Variants in AKT3 observed in about 807,000 individuals in gnomAD.
AKT3 encodes the protein RAC-gamma serine/threonine-protein kinase.
In AKT3, 15 loss-of-function variants were observed where a neutral mutation model predicts 65.3. The ratio of observed to expected loss-of-function variants is 0.23; its 90% CI spans 0.15 to 0.35. The LOEUF is 0.35. Ranked by LOEUF, AKT3 falls within the 10% of genes least tolerant of loss-of-function variation. The pLI, the probability that AKT3 is intolerant of heterozygous loss-of-function variation, is 1.00. For missense variants in AKT3, 243 were observed against 576.5 expected (o/e 0.42, Z 5.92); for synonymous variants, 206 against 183.8 (o/e 1.12, Z -0.98).
At chr1:243,790,329 A>T (rs1037094246) in intron 2 of AKT3, among the ~76,000 whole-genome samples, 1 of 152,224 alleles carries the variant, frequency 6.6e-6, no homozygotes, top group Non-Finnish European at 1.5e-5. Context: ...TTCTACATCA[A>T]CATTGATTGC....
At position 243,763,318 on chromosome 1, in the gene AKT3, G is replaced by A. The variant is rs150258049; in HGVS notation, c.47-67602C>T. Among the ~76,000 whole-genome samples, 1,259 of 152,114 alleles carry A rather than the reference G, an allele frequency of 8.3e-3. 14 individuals carry two copies. Among genetic ancestry groups the A allele is most frequent in the African/African-American group, 0.029 (1,211 of 41,538 alleles). On this transcript the variant is annotated intron_variant, in intron 2 of 13. Transcript: ENST00000673466. The stretch of plus-strand genomic sequence containing the variant: ...TCCAATTGGTAAGCTATATTTCAGA[G>A]AATCCTGCTGTCTTTAAAATCCTAT...
intron 2 of AKT3, among the ~76,000 whole-genome samples, chr1:243,755,101 CTG>C (rs1186877213): frequency 6.6e-6 from 1 of 152,146 alleles, no homozygotes; most frequent in Non-Finnish European, 1.5e-5. Flanking sequence ...CAGAGTCTCG[CTG>C]TGTCCCCCAG....
intron 12 of AKT3, among the ~76,000 whole-genome samples, chr1:243,541,542 T>C (rs2148439631): frequency 6.6e-6 from 1 of 152,288 alleles, no homozygotes; most frequent in Middle Eastern, 3.4e-3. Flanking sequence ...GGAGCCTTGG[T>C]TCCTTTTATT....
intron 2 of AKT3, among the ~76,000 whole-genome samples, chr1:243,721,335 G>C (rs952302250): frequency 6.6e-6 from 1 of 152,080 alleles, no homozygotes; most frequent in African/African-American, 2.4e-5. Context: ...TGAACAGACA[G>C]GTCTTGGTGA....
intron 12 of AKT3, among the ~76,000 whole-genome samples, chr1:243,544,400 A>T (rs1204299875): frequency 6.6e-6 from 1 of 152,010 alleles, no homozygotes; most frequent in African/African-American, 2.4e-5. Context: ...AGGAGAGAGG[A>T]TTGTTTGAGC....
chr1:243,553,404 G>A (rs1673202014), intron 10 of AKT3, among the ~76,000 whole-genome samples: 1 of 152,178 alleles, frequency 6.6e-6, no homozygotes. Context: ...AAATTAAACA[G>A]TGAAAGACAG....
At chr1:243,834,738 T>TAAA (rs541356483) in intron 2 of AKT3, among the ~76,000 whole-genome samples, 221 of 144,866 alleles carry the variant, frequency 1.5e-3, no homozygotes, top group African/African-American at 5.4e-3. Flanking sequence ...ACTAAAAGTT[T>TAAA]AAAAAAAAAA....
intron 2 of AKT3, among the ~76,000 whole-genome samples, chr1:243,752,960 T>C (rs955613620): frequency 6.6e-6 from 1 of 152,198 alleles, no homozygotes; most frequent in Non-Finnish European, 1.5e-5. Context: ...AATTTTGGCA[T>C]AGTTTCTACC....
intron 3 of AKT3, among the ~76,000 whole-genome samples, chr1:243,668,436 T>C (rs1682945678): frequency 6.6e-6 from 1 of 152,164 alleles, no homozygotes; most frequent in Non-Finnish European, 1.5e-5. Flanking sequence ...TTCTCACTGC[T>C]TCTGTTTTTT....
chr1:243,511,161 C>A (rs1407332812), intron 13 of AKT3, among the ~76,000 whole-genome samples: 1 of 152,258 alleles, frequency 6.6e-6, no homozygotes, highest in Non-Finnish European at 1.5e-5. Context: ...CACAACTTAG[C>A]CTGGACATCG....
chr1:243,503,664 G>A lies in AKT3; in HGVS notation c.*1585C>T. 1 of 232,600 alleles carries A rather than the reference G, an allele frequency of 4.3e-6. No individual in the cohort carries two copies. Among genetic ancestry groups the A allele is most frequent in the East Asian group, 6.1e-5 (1 of 16,418 alleles). The allele number at this position is 232,600 out of a possible 1,614,324, so 14.4% of individuals were successfully genotyped here. A position where few individuals can be genotyped will look rare whatever the true frequency, so the allele number is the denominator to read the frequency against. On this transcript the variant is annotated 3_prime_UTR_variant, in exon 14 of 14. Transcript: ENST00000673466. ...TGCCCCCTTTCAGTGAGAAATGTTG[G>A]AATCTGGGGGACATGAGTATATACA...
intron 6 of AKT3, chr1:243,624,990 A>G: frequency 2.8e-6 from 1 of 359,142 alleles, no homozygotes; most frequent in Non-Finnish European, 5.8e-6. Context: ...GCCCATCCCT[A>G]GAGCCTTCAT....
chr1:243,501,107 T>C lies in AKT3; in HGVS notation c.*4142A>G, dbSNP rs1669257835. On this transcript the variant is annotated 3_prime_UTR_variant, in exon 14 of 14. Coordinates refer to ENST00000673466, the MANE Select transcript of AKT3 (RefSeq NM_005465.7). Reference sequence around the variant, plus strand: ...TTTGGCCGTGTGACATACACATACATGCTTGACTCACTCTGGTCCCAAAAG... The same window carrying C: ...TTTGGCCGTGTGACATACACATACACGCTTGACTCACTCTGGTCCCAAAAG... 4.3e-6 allele frequency: 1 copy of C among 231,098 alleles called. No homozygotes were observed. The highest frequency in any genetic ancestry group is 5.6e-5 in the Admixed American group (1 of 17,720). 14.3% of individuals were successfully genotyped at this position (231,098 alleles called of 1,614,324 possible). A position where few individuals can be genotyped will look rare whatever the true frequency, so the allele number is the denominator to read the frequency against.
chr1:243,540,827 A>G (rs1672262463), intron 12 of AKT3, among the ~76,000 whole-genome samples: 1 of 152,148 alleles, frequency 6.6e-6, no homozygotes, highest in Non-Finnish European at 1.5e-5. Flanking sequence ...TTATCAGGCC[A>G]GGTATTTCGA....
chr1:243,652,071 C>T (rs2345993), intron 4 of AKT3, among the ~76,000 whole-genome samples: 30,125 of 146,182 alleles, frequency 0.21, 3,426 homozygotes, highest in East Asian at 0.31. Context: ...TTTTCTGAGA[C>T]GGAGTCTCAC....
rs34578718 is a variant in AKT3, at chr1:243,664,185, CTTTTTTTTTT to C, written c.284+577_284+586del. On this transcript the variant is annotated intron_variant, in intron 4 of 13. Coordinates refer to ENST00000673466, the MANE Select transcript of AKT3 (RefSeq NM_005465.7). ...AAAGGTAGTTTGGCTATAAAAATGTCTTTTTTTTTTTTTTTTTTTTTTTTTTTTTGAGACA... is the reference window on the plus strand; with the variant it reads ...AAAGGTAGTTTGGCTATAAAAATGTCTTTTTTTTTTTTTTTTTTTGAGACA... 5.2e-3 allele frequency among the ~76,000 whole-genome samples: 312 copies of C among 60,014 alleles called. 2 individuals are homozygous for C. The highest frequency in any genetic ancestry group is 0.019 in the African/African-American group (299 of 16,096). The allele number at this position is 60,014 out of a possible 152,430, so 39.4% of individuals were successfully genotyped here.
intron 8 of AKT3, chr1:243,613,037 CAAAAAAAA>C (rs1222223013): frequency 1.8e-5 from 1 of 56,338 alleles, no homozygotes; most frequent in Non-Finnish European, 3.4e-5. Flanking sequence ...AACTCCATCT[CAAAAAAAA>C]AAAAAAAAAA....
intron 6 of AKT3, among the ~76,000 whole-genome samples, chr1:243,619,361 G>A (rs1026134671): frequency 2.0e-5 from 3 of 152,096 alleles, no homozygotes; most frequent in African/African-American, 7.2e-5. Flanking sequence ...TTATGCTGGA[G>A]ACATTCAAAT....
At chr1:243,737,611 A>C (rs1013816184) in intron 2 of AKT3, among the ~76,000 whole-genome samples, 4 of 152,230 alleles carry the variant, frequency 2.6e-5, no homozygotes, top group Non-Finnish European at 5.9e-5. Flanking sequence ...GAGAAAAGGG[A>C]CAGGGTAGAC....
Sources: gnomAD v4.1 joint callset for allele counts (sites outside exome capture counted in the v4.1 genomes callset) on GRCh38, gnomAD v4.1.1 for gene constraint, MANE v1.5 for transcripts, NCBI Gene and HGNC (gene_info 2026-07-23, HGNC 2026-07-21) for gene names.